The following GRK2 variants were observed in gnomAD, a reference collection of about 807,000 sequenced individuals.
GRK2 encodes G protein-coupled receptor kinase 2, also known as adrenergic beta receptor kinase 1.
Under a neutral mutation model 97.8 loss-of-function variants are expected in GRK2, and 23 were observed. The observed-to-expected ratio is 0.24, with a 90% CI of 0.17 to 0.33. The LOEUF (loss-of-function observed/expected upper bound fraction) is 0.33, where lower values mean the gene tolerates loss of function less well. Ranked by LOEUF, GRK2 falls within the 10% of genes least tolerant of loss-of-function variation. The pLI is 1.00. For missense variants in GRK2, 633 were observed against 956.9 expected (o/e 0.66, Z 4.47); for synonymous variants, 425 against 381.7 (o/e 1.11, Z -1.32).
At chr11:67,266,898 G>A (rs1311901668) in intron 1 of GRK2, 86 bp downstream of exon 1, 7 of 558,676 alleles carry the variant, frequency 1.3e-5, no homozygotes, top group Admixed American at 5.1e-5. Context: ...GCTCGACCCC[G>A]CGACCTGGAC....
intron 7 of GRK2, 118 bp downstream of exon 7, chr11:67,280,901 A>G: frequency 7.6e-7 from 1 of 1,313,718 alleles, no homozygotes; most frequent in Middle Eastern, 1.8e-4. Context: ...TTTAGCCCCC[A>G]GGGCCGTGGC....
In GRK2 at chr11:67,269,470, C is replaced by T. The variant is rs938279027; in HGVS notation, c.113+2658C>T. 2.6e-5 allele frequency among the ~76,000 whole-genome samples: 4 copies of T among 152,222 alleles called. No homozygotes were observed. The East Asian group carries it at 7.7e-4, about 29-fold the overall frequency. On this transcript the variant is annotated intron_variant, in intron 1 of 20. Coordinates refer to ENST00000308595, the MANE Select transcript of GRK2 (RefSeq NM_001619.5). This position sits in a 1 kb window ranked among gnomAD's most constrained non-coding sequence, Gnocchi z 4.1. ...TTTATCCCCTCCACCCACCCCTGCA[C>T]ACCACTGTTCTCGCCTCTGTCCACA...
At chr11:67,280,533 C>T in intron 6 of GRK2, 199 bp from the exon 7 acceptor site, 1 of 633,260 alleles carries the variant, frequency 1.6e-6, no homozygotes, top group Non-Finnish European at 2.8e-6. Flanking sequence ...CCATGCTGGG[C>T]ACCCAAGCAG....
chr11:67,271,940 C>A (rs1346428536), intron 1 of GRK2, among the ~76,000 whole-genome samples: 2 of 152,226 alleles, frequency 1.3e-5, no homozygotes, highest in African/African-American at 4.8e-5. Flanking sequence ...AGCCACAGGC[C>A]CTGCTGCACT....
chr11:67,281,962 C>G lies in GRK2; in HGVS notation c.957+10C>G, dbSNP rs374740337. The G allele has an allele frequency of 6.2e-7, 1 of 1,613,184 alleles. No individual in the cohort carries two copies. Among genetic ancestry groups the G allele is most frequent in the South Asian group, 1.1e-5 (1 of 91,074 alleles). On this transcript the variant is annotated intron_variant, in intron 11 of 20. Transcript: ENST00000308595. The surrounding 1 kb of genome is among the most constrained non-coding windows in gnomAD (Gnocchi z 5.7). ...CTACCGGGACCTGAAGGTGAGCGCC[C>G]CTGCTGTCCCCAGGCTGGACCTCCG...
intron 18 of GRK2, 49 bp from the exon 19 acceptor site, chr11:67,284,794 CAAAA>C (rs1160950119): frequency 6.3e-7 from 1 of 1,585,462 alleles, no homozygotes; most frequent in Non-Finnish European, 8.6e-7. Context: ...TGTCTCAAAA[CAAAA>C]AAGAAACCCA....
rs1036418295 is a variant in GRK2 at position 67,285,628 on chromosome 11, C to T, written c.*178C>T. The stretch of plus-strand genomic sequence containing the variant: ...TCGGCTCCTGCTGCACCAACCCAGC[C>T]GCTGCCCGGCGCCCTCTGTCCTGAC... On this transcript the variant is annotated 3_prime_UTR_variant, in exon 21 of 21. Coordinates refer to ENST00000308595, the MANE Select transcript of GRK2 (RefSeq NM_001619.5). 2.6e-5 allele frequency: 19 copies of T among 742,570 alleles called. No individual in the cohort carries two copies. The highest frequency in any genetic ancestry group is 8.8e-5 in the East Asian group (3 of 33,900). 46.0% of individuals were successfully genotyped at this position (742,570 alleles called of 1,614,324 possible).
chr11:67,279,100 A>G lies in GRK2; in HGVS notation c.191-100A>G, dbSNP rs975914188. On this transcript the variant is annotated intron_variant, in intron 2 of 20. Coordinates refer to ENST00000308595, the MANE Select transcript of GRK2 (RefSeq NM_001619.5). ...GGCCGAGACCACCTTTGCCACCTCC[A>G]TAGCCAGTTCTGCCCAGGGAGCCCA... 7.9e-6 allele frequency: 8 copies of G among 1,013,620 alleles called. No homozygotes were observed. In the African/African-American group the frequency reaches 1.3e-4, roughly 16 times the overall value. The allele number at this position is 1,013,620 out of a possible 1,614,324, so 62.8% of individuals were successfully genotyped here. A position where few individuals can be genotyped will look rare whatever the true frequency, so the allele number is the denominator to read the frequency against.
At chr11:67,275,539 A>G (rs553098465) in intron 1 of GRK2, among the ~76,000 whole-genome samples, 2 of 133,160 alleles carry the variant, frequency 1.5e-5, no homozygotes, top group East Asian at 2.4e-4. Context: ...TGGCGCCTCC[A>G]GTGGAGTCGG....
In GRK2 at chr11:67,285,557, C is replaced by A; in HGVS notation, c.*107C>A. 7.4e-7 allele frequency: 1 copy of A among 1,356,784 alleles called. No individual in the cohort carries two copies. The highest frequency in any genetic ancestry group is 9.7e-7 in the Non-Finnish European group (1 of 1,035,442). 84.0% of individuals were successfully genotyped at this position (1,356,784 alleles called of 1,614,324 possible). On this transcript the variant is annotated 3_prime_UTR_variant, in exon 21 of 21. Coordinates refer to ENST00000308595, the MANE Select transcript of GRK2 (RefSeq NM_001619.5). ...TTATTTTGTAATTATTGTGATTTCC[C>A]GTGGCCCCAGCCTGGCCCAGCTCCC...
chr11:67,273,496 G>C (rs1039778602), intron 1 of GRK2, among the ~76,000 whole-genome samples: 1 of 152,130 alleles, frequency 6.6e-6, no homozygotes, highest in Non-Finnish European at 1.5e-5. Context: ...GTGCTCGCCC[G>C]TGCTTGCCAC....
intron 3 of GRK2, 48 bp from the exon 4 acceptor site, chr11:67,279,370 C>G: frequency 6.2e-7 from 1 of 1,609,282 alleles, no homozygotes; most frequent in African/African-American, 1.3e-5. Context: ...GTGGGCATCC[C>G]CATTCCCTGC....
At chr11:67,278,802 G>A (rs776767807) in intron 2 of GRK2, among the ~76,000 whole-genome samples, 2 of 151,960 alleles carry the variant, frequency 1.3e-5, no homozygotes, top group Non-Finnish European at 2.9e-5. Context: ...TGTTGCACCT[G>A]CACAGCCCGC....
In GRK2 at chr11:67,284,998, C is replaced by CG; in HGVS notation, c.1791+20dup. The CG allele has an allele frequency of 6.2e-7, 1 of 1,612,232 alleles. No individual in the cohort carries two copies. Among genetic ancestry groups the CG allele is most frequent in the African/African-American group, 1.3e-5 (1 of 75,018 alleles). ...GCGAGGCCCCGGTAAGGAGCCCGTG[C>CG]GGGGGTCCGGGAGCCGGGCTTCCGG... On this transcript the variant is annotated intron_variant, in intron 19 of 20. Transcript: ENST00000308595.
chr11:67,274,303 G>A (rs1415337789), intron 1 of GRK2, among the ~76,000 whole-genome samples: 3 of 151,652 alleles, frequency 2.0e-5, no homozygotes, highest in Non-Finnish European at 4.4e-5. Flanking sequence ...GAGCCACCGC[G>A]TCCCGCCAAG....
intron 1 of GRK2, among the ~76,000 whole-genome samples, chr11:67,273,885 C>G (rs1241838321): frequency 6.6e-6 from 1 of 152,030 alleles, no homozygotes; most frequent in African/African-American, 2.4e-5. Context: ...CGGCAGGTTC[C>G]CCTGGCTGTC....
chr11:67,282,856 G>A lies in GRK2; in HGVS notation c.1227+38G>A, dbSNP rs748689656. On this transcript the variant is annotated intron_variant, in intron 14 of 20. Transcript: ENST00000308595. This position sits in a 1 kb window ranked among gnomAD's most constrained non-coding sequence, Gnocchi z 6.9. ...CTCAGTGCAGGGCCGCAGGGGGCTG[G>A]GGGGAGCTCCTGTGGGTGCCAGGCC... is the stretch of plus-strand genomic sequence containing the variant. 3 of 1,583,834 alleles carry A rather than the reference G, an allele frequency of 1.9e-6. No homozygotes were observed. Among genetic ancestry groups the A allele is most frequent in the Non-Finnish European group, 2.6e-6 (3 of 1,167,532 alleles).
rs1347461251 is a variant in GRK2, at chr11:67,282,707, C to T, written c.1161-45C>T. On this transcript the variant is annotated intron_variant, in intron 13 of 20. Transcript: ENST00000308595. This position sits in a 1 kb window ranked among gnomAD's most constrained non-coding sequence, Gnocchi z 6.9. ...CATCCATGCTGCCTGCCTCCCTTTC[C>T]CCATTCCTGTCCTTTGACATTGGTT... 6.2e-7 allele frequency: 1 copy of T among 1,605,558 alleles called. No homozygotes were observed. The highest frequency in any genetic ancestry group is 1.7e-5 in the Admixed American group (1 of 59,300).
At position 67,281,039 on chromosome 11, in the gene GRK2, CCCAGGGCTGGGCAGAGGCAGCCTGTGGT is replaced by C. The variant is rs1374779335; in HGVS notation, c.556-53_556-26del. On this transcript the variant is annotated intron_variant, in intron 7 of 20. Coordinates refer to ENST00000308595, the MANE Select transcript of GRK2 (RefSeq NM_001619.5). This position sits in a 1 kb window ranked among gnomAD's most constrained non-coding sequence, Gnocchi z 5.7. ...GCCCCTGCTGCCCAGGTGCCTCTGC[CCCAGGGCTGGGCAGAGGCAGCCTGTGGT>C]GACCGCAGCTGTCGCTGCCCCTCAG... is the stretch of plus-strand genomic sequence containing the variant. The C allele has an allele frequency of 2.0e-6, 3 of 1,511,740 alleles. No homozygotes were observed. The highest frequency in any genetic ancestry group is 1.4e-5 in the African/African-American group (1 of 72,212). The allele number at this position is 1,511,740 out of a possible 1,614,324, so 93.6% of individuals were successfully genotyped here.
Sources: gnomAD v4.1 joint callset for allele counts (sites outside exome capture counted in the v4.1 genomes callset) on GRCh38, gnomAD v4.1.1 for gene constraint, Gnocchi (gnomAD v3.1) non-coding constraint, MANE v1.5 for transcripts, NCBI Gene and HGNC (gene_info 2026-07-23, HGNC 2026-07-21) for gene names.